Variants in COBL observed in about 807,000 individuals in gnomAD.
COBL encodes protein cordon-bleu.
COBL carries 51 observed loss-of-function variants against 98.8 expected under a neutral mutation model. The observed-to-expected ratio is 0.52, with a 90% confidence interval of 0.41 to 0.65. The LOEUF is 0.65. Ranked by LOEUF, COBL falls within the 30% of genes least tolerant of loss-of-function variation. The pLI is 0.00. For synonymous variants in COBL, 634 were observed against 651.7 expected (o/e 0.97, Z 0.41); for missense variants, 1,617 against 1,617.5 (o/e 1.00, Z 0.01).
intron 12 of COBL, 117 bp from the exon 13 acceptor site, chr7:51,017,685 C>A: frequency 9.3e-7 from 1 of 1,071,516 alleles, no homozygotes; most frequent in Non-Finnish European, 1.4e-6. Flanking sequence ...CTGGAACCCC[C>A]TTCCCAGTTC....
At chr7:51,309,014 C>T (rs1430198860) in intron 1 of COBL, among the ~76,000 whole-genome samples, 1 of 152,114 alleles carries the variant, frequency 6.6e-6, no homozygotes, top group Non-Finnish European at 1.5e-5. Flanking sequence ...TTCAGAAAGG[C>T]CAGAAACTGT....
At chr7:51,112,437 C>A (rs895858979) in intron 6 of COBL, among the ~76,000 whole-genome samples, 1 of 152,136 alleles carries the variant, frequency 6.6e-6, no homozygotes, top group Non-Finnish European at 1.5e-5. Context: ...AATGTTACCT[C>A]CAGAAGCAAG....
chr7:51,072,080 A>AT (rs1792614862), intron 7 of COBL: 1 of 151,632 alleles, frequency 6.6e-6, no homozygotes, highest in South Asian at 2.1e-4. Flanking sequence ...TTCATTAGTC[A>AT]TAGCTAACAT....
intron 1 of COBL, among the ~76,000 whole-genome samples, chr7:51,230,561 T>TC (rs956943143): frequency 3.0e-4 from 45 of 152,186 alleles, no homozygotes; most frequent in African/African-American, 1.1e-3. Context: ...TTGTCTTCTC[T>TC]CCCCCAGACT....
chr7:51,230,305 T>C (rs1794626710), intron 1 of COBL, among the ~76,000 whole-genome samples: 1 of 152,208 alleles, frequency 6.6e-6, no homozygotes, highest in Non-Finnish European at 1.5e-5. Flanking sequence ...CCACTGCCTC[T>C]CCTGCCTCTC....
At chr7:51,149,699 C>T (rs909875567) in intron 5 of COBL, among the ~76,000 whole-genome samples, 5 of 152,326 alleles carry the variant, frequency 3.3e-5, no homozygotes, top group Admixed American at 1.3e-4. Context: ...CTCCTCCTCC[C>T]AAGTTCGAGA....
rs77187271 is a variant in COBL at position 51,020,600 on chromosome 7, C to A, written c.3769-3032G>T. On this transcript the variant is annotated intron_variant, in intron 12 of 12. Transcript: ENST00000265136. The stretch of plus-strand genomic sequence containing the variant: ...AAACAGATCGACAAAGACAGTCAGA[C>A]GCATACAGCTTTGCCTTTAATAAGA... Among the ~76,000 whole-genome samples the A allele has an allele frequency of 3.0e-3, 464 of 152,330 alleles. 4 individuals are homozygous for A. Among genetic ancestry groups the A allele is most frequent in the African/African-American group, 0.011 (455 of 41,572 alleles).
intron 1 of COBL, among the ~76,000 whole-genome samples, chr7:51,297,763 T>C (rs1172804171): frequency 1.3e-5 from 2 of 152,150 alleles, no homozygotes; most frequent in Non-Finnish European, 2.9e-5. Flanking sequence ...CCTTGATACA[T>C]GGAAAAGCCA....
intron 8 of COBL, among the ~76,000 whole-genome samples, chr7:51,039,821 G>C (rs1032105721): frequency 1.5e-4 from 23 of 152,270 alleles, no homozygotes; most frequent in African/African-American, 5.3e-4. Context: ...GCCTGAATTG[G>C]TTGCCAACAT....
intron 8 of COBL, chr7:51,032,926 G>C (rs1013362066): frequency 6.6e-6 from 1 of 152,148 alleles, no homozygotes; most frequent in African/African-American, 2.4e-5. Flanking sequence ...CTTTTTAAAT[G>C]CTTGCTCTTA....
chr7:51,158,265 A>G (rs1360246963), intron 5 of COBL, among the ~76,000 whole-genome samples: 1 of 152,110 alleles, frequency 6.6e-6, no homozygotes, highest in Non-Finnish European at 1.5e-5. Flanking sequence ...GTAATCTACT[A>G]TGAATTGGTA....
At position 51,316,683 on chromosome 7, in the gene COBL, C is replaced by T; in HGVS notation, c.-50G>A. The T allele has an allele frequency of 8.6e-7, 1 of 1,167,850 alleles. No homozygotes were observed. 72.3% of individuals were successfully genotyped at this position (1,167,850 alleles called of 1,614,324 possible). ...GGTGCTCCGGGCCCGCCGAGTCAGG[C>T]GCTGGCTACCGCCGCCACCGCTGCC... On this transcript the variant is annotated 5_prime_UTR_variant, in exon 1 of 13. Transcript: ENST00000265136.
intron 1 of COBL, among the ~76,000 whole-genome samples, chr7:51,299,737 T>C (rs547582598): frequency 6.6e-6 from 1 of 152,256 alleles, no homozygotes; most frequent in East Asian, 1.9e-4. Flanking sequence ...AGTGTCCTCC[T>C]CTTCAAGAAA....
chr7:51,136,344 A>G lies in COBL; in HGVS notation c.784-13T>C, dbSNP rs1583916500. 3.1e-6 allele frequency: 5 copies of G among 1,604,430 alleles called. No individual in the cohort carries two copies. Among genetic ancestry groups the G allele is most frequent in the East Asian group, 2.2e-5 (1 of 44,800 alleles). On this transcript the variant is annotated splice_polypyrimidine_tract_variant and intron_variant, in intron 5 of 12. Transcript: ENST00000265136. ...TCGTTAAACAGCCCTGTTGGGGAAG[A>G]GACAAACAGAAAACCAAATCAGTAT...
At chr7:51,293,572 G>A (rs980819408) in intron 1 of COBL, among the ~76,000 whole-genome samples, 3 of 152,176 alleles carry the variant, frequency 2.0e-5, no homozygotes, top group Admixed American at 6.5e-5. Context: ...AAACCTTTGA[G>A]CAGCAACAGA....
At chr7:51,291,104 C>A (rs978259892) in intron 1 of COBL, among the ~76,000 whole-genome samples, 1 of 152,184 alleles carries the variant, frequency 6.6e-6, no homozygotes, top group African/African-American at 2.4e-5. Flanking sequence ...AAGCAGAAAT[C>A]CCTGTTAGAG....
In COBL at chr7:51,029,452, T is replaced by A; in HGVS notation, c.1644A>T (p.Ser548=). The part of the protein sequence containing the change: ...AIPVTFIGEV[S]DDPVDSGLFS... ...ACAACCCCGAATCCACAGGATCATC[T>A]GAAACTTCCCCTATGAATGTTACTG... The change falls in exon 10 of 13, where the codon TCA becomes TCT. Residue 548 remains serine, a synonymous_variant. Coordinates refer to ENST00000265136, the MANE Select transcript of COBL (RefSeq NM_015198.5). 6.2e-7 allele frequency: 1 copy of A among 1,614,158 alleles called. No individual in the cohort carries two copies. Among genetic ancestry groups the A allele is most frequent in the East Asian group, 2.2e-5 (1 of 44,876 alleles).
chr7:51,184,273 A>G (rs1789270739), intron 4 of COBL, 74 bp from the exon 5 acceptor site: 1 of 801,108 alleles, frequency 1.2e-6, no homozygotes, highest in African/African-American at 1.8e-5. Flanking sequence ...AAAAAATCTT[A>G]ATAAATGAAT....
chr7:51,043,182 C>T (rs1277936207), intron 8 of COBL, among the ~76,000 whole-genome samples: 1 of 152,220 alleles, frequency 6.6e-6, no homozygotes, highest in Non-Finnish European at 1.5e-5. Context: ...ACAAGCCACT[C>T]TTACACAGTC....
Sources: gnomAD v4.1 joint callset for allele counts (sites outside exome capture counted in the v4.1 genomes callset) on GRCh38, gnomAD v4.1.1 for gene constraint, MANE v1.5 for transcripts, NCBI Gene and HGNC (gene_info 2026-07-23, HGNC 2026-07-21) for gene names.